The following SPATA13 variants were observed in gnomAD, a reference collection of about 807,000 sequenced individuals.
SPATA13 encodes the protein spermatogenesis associated 13, also known as spermatogenesis-associated protein 13.
A neutral mutation model predicts 104.0 loss-of-function variants in SPATA13; 50 were observed. The ratio of observed to expected loss-of-function variants is 0.48; its 90% CI spans 0.38 to 0.61. The LOEUF (loss-of-function observed/expected upper bound fraction) is 0.61, where lower values mean the gene tolerates loss of function less well. Ranked by LOEUF, SPATA13 falls within the 20% of genes least tolerant of loss-of-function variation. The pLI, the probability that SPATA13 is intolerant of heterozygous loss-of-function variation, is 0.00. For synonymous variants in SPATA13, 606 were observed against 667.5 expected, an observed-to-expected ratio of 0.91 and a Z score of 1.42; for missense variants, 1,524 against 1,690.6, an observed-to-expected ratio of 0.90 and a Z score of 1.73.
intron 1 of SPATA13, among the ~76,000 whole-genome samples, chr13:24,182,839 A>G (rs1001028061): frequency 6.6e-6 from 1 of 152,172 alleles, no homozygotes; most frequent in Admixed American, 6.5e-5. Flanking sequence ...AAAACTCAGC[A>G]TGTTGCGCCA....
intron 3 of SPATA13, among the ~76,000 whole-genome samples, chr13:24,044,886 A>AGGTGGT (rs1566083898): frequency 2.6e-4 from 1 of 3,890 alleles, no homozygotes; most frequent in Non-Finnish European, 4.2e-4. Flanking sequence ...TTTCCAGAGG[A>AGGTGGT]GGGGGTGGGG....
At chr13:24,226,654 G>T (rs1352502250) in intron 2 of SPATA13, among the ~76,000 whole-genome samples, 1 of 152,172 alleles carries the variant, frequency 6.6e-6, no homozygotes, top group Non-Finnish European at 1.5e-5. Flanking sequence ...TTGCCATAGA[G>T]AATAATCCCC....
At chr13:24,015,406 A>G (rs528735457) in intron 2 of SPATA13, among the ~76,000 whole-genome samples, 1 of 152,236 alleles carries the variant, frequency 6.6e-6, no homozygotes, top group Non-Finnish European at 1.5e-5. Context: ...GTACATTTTA[A>G]GAAAATCCTT....
intron 9 of SPATA13, among the ~76,000 whole-genome samples, chr13:24,292,156 T>A (rs1876436208): frequency 6.6e-6 from 1 of 152,250 alleles, no homozygotes; most frequent in Non-Finnish European, 1.5e-5. Flanking sequence ...AAGTTACCCT[T>A]TGTTTCCTTA....
At chr13:24,094,876 T>G (rs1268360444) in intron 3 of SPATA13, among the ~76,000 whole-genome samples, 4 of 152,216 alleles carry the variant, frequency 2.6e-5, no homozygotes, top group Non-Finnish European at 5.9e-5. Flanking sequence ...CTTATACCCA[T>G]TAGGATGGCT....
chr13:24,181,346 T>TA (rs1290251984), intron 1 of SPATA13, among the ~76,000 whole-genome samples: 1 of 152,230 alleles, frequency 6.6e-6, no homozygotes, highest in Non-Finnish European at 1.5e-5. Flanking sequence ...ATAAGCTTGT[T>TA]ACTTTATAAA....
At chr13:24,292,776 T>C (rs1482048753) in intron 9 of SPATA13, among the ~76,000 whole-genome samples, 1 of 151,800 alleles carries the variant, frequency 6.6e-6, no homozygotes, top group Non-Finnish European at 1.5e-5. Context: ...AACGGGTGGA[T>C]CACATGAGGT....
At chr13:24,035,802 T>A (rs978419839) in intron 3 of SPATA13, among the ~76,000 whole-genome samples, 3 of 151,918 alleles carry the variant, frequency 2.0e-5, no homozygotes, top group Non-Finnish European at 2.9e-5. Context: ...TCACTTGAGG[T>A]CTGGAGTTTG....
chr13:24,054,504 G>A (rs1232355385), intron 3 of SPATA13, among the ~76,000 whole-genome samples: 1 of 152,192 alleles, frequency 6.6e-6, no homozygotes. Context: ...GGACCATATT[G>A]TAAGCTTAGC....
At chr13:24,148,626 A>G (rs1882006753) in intron 3 of SPATA13, among the ~76,000 whole-genome samples, 1 of 152,244 alleles carries the variant, frequency 6.6e-6, no homozygotes, top group Admixed American at 6.5e-5. Context: ...AGAGGCTTTT[A>G]GTCAGAGGGA....
At chr13:24,219,386 AT>A (rs1871445959) in intron 1 of SPATA13, among the ~76,000 whole-genome samples, 1 of 152,190 alleles carries the variant, frequency 6.6e-6, no homozygotes, top group African/African-American at 2.4e-5. Flanking sequence ...AGAAACCCCA[AT>A]TTTTTGCATG....
At chr13:24,277,240 C>G (rs557863557) in intron 4 of SPATA13, among the ~76,000 whole-genome samples, 11 of 151,978 alleles carry the variant, frequency 7.2e-5, no homozygotes, top group East Asian at 1.9e-4. Context: ...GTCAGGAGAT[C>G]GAGACCATCC....
At chr13:24,068,133 A>G (rs1279541119) in intron 3 of SPATA13, among the ~76,000 whole-genome samples, 1 of 152,078 alleles carries the variant, frequency 6.6e-6, no homozygotes, top group Non-Finnish European at 1.5e-5. Context: ...GCCATTAGTT[A>G]CTTTGCCTGA....
upstream of SPATA13, among the ~76,000 whole-genome samples, chr13:24,158,427 G>C (rs988505874): frequency 6.6e-6 from 1 of 152,182 alleles, no homozygotes; most frequent in Admixed American, 6.5e-5. Context: ...TTTAGCTATT[G>C]CTCGTCCTAA....
intron 4 of SPATA13, among the ~76,000 whole-genome samples, chr13:24,271,299 T>C (rs1024498322): frequency 4.7e-4 from 71 of 152,248 alleles, no homozygotes; most frequent in Admixed American, 4.6e-3. Flanking sequence ...GCTGCTGATA[T>C]TGTTACTGGT....
intron 1 of SPATA13, among the ~76,000 whole-genome samples, chr13:24,208,197 T>A (rs1409516489): frequency 3.3e-5 from 5 of 152,160 alleles, no homozygotes; most frequent in Non-Finnish European, 5.9e-5. Flanking sequence ...GTGTTCAGAA[T>A]CAAGGACCTG....
At chr13:24,014,125 C>A (rs1285178309) in intron 2 of SPATA13, among the ~76,000 whole-genome samples, 2 of 152,148 alleles carry the variant, frequency 1.3e-5, no homozygotes, top group African/African-American at 4.8e-5. Context: ...GTCAGCAGGG[C>A]CATGCTCCTT....
At chr13:23,998,075 G>A (rs1003942251) in intron 2 of SPATA13, among the ~76,000 whole-genome samples, 1 of 152,102 alleles carries the variant, frequency 6.6e-6, no homozygotes, top group African/African-American at 2.4e-5. Flanking sequence ...TTTCTTCCAG[G>A]GTAGTATCTA....
At chr13:24,196,752 A>C (rs961945408) in intron 1 of SPATA13, among the ~76,000 whole-genome samples, 2 of 152,146 alleles carry the variant, frequency 1.3e-5, no homozygotes, top group African/African-American at 4.8e-5. Context: ...ACAAAACAAA[A>C]CACATGAGCA....
Sources: allele counts gnomAD v4.1 joint callset (sites outside exome capture counted in the v4.1 genomes callset), GRCh38; gene constraint gnomAD v4.1.1; transcripts MANE v1.5; gene names NCBI Gene and HGNC (gene_info 2026-07-23, HGNC 2026-07-21).